The following TNPO3 variants were observed in gnomAD, a reference collection of about 807,000 sequenced individuals.
TNPO3 encodes the protein transportin-3.
A neutral mutation model predicts 122.8 loss-of-function variants in TNPO3; 65 were observed. That is an observed-to-expected ratio of 0.53 (90% CI 0.43 to 0.65). The LOEUF is 0.65. Among genes scored for constraint, TNPO3 ranks in the 30% least tolerant of loss-of-function variants. The pLI is 0.00. For missense variants in TNPO3, 850 were observed against 1,136.7 expected, an observed-to-expected ratio of 0.75 and a Z score of 3.63; for synonymous variants, 372 against 411.2, an observed-to-expected ratio of 0.90 and a Z score of 1.15.
chr7:128,979,208 A>G, intron 15 of TNPO3, 85 bp from the exon 16 acceptor site: 1 of 1,536,736 alleles, frequency 6.5e-7, no homozygotes, highest in Non-Finnish European at 8.8e-7. Flanking sequence ...CACCTCATTT[A>G]GCTTTTAAAT....
At chr7:128,970,018 G>A (rs1038499990) in intron 20 of TNPO3, 130 bp downstream of exon 20, 5 of 941,490 alleles carry the variant, frequency 5.3e-6, no homozygotes, top group Non-Finnish European at 8.2e-6. Flanking sequence ...AATCTAATTT[G>A]GCAATATGCC....
At chr7:128,993,647 T>C (rs565595211) in intron 9 of TNPO3, among the ~76,000 whole-genome samples, 160 bp downstream of exon 9, 2 of 152,354 alleles carry the variant, frequency 1.3e-5, no homozygotes, top group South Asian at 2.1e-4. Flanking sequence ...TAAATAAACA[T>C]AGCTACTATA....
intron 4 of TNPO3, among the ~76,000 whole-genome samples, chr7:129,008,660 A>G (rs921025822): frequency 6.6e-6 from 1 of 152,216 alleles, no homozygotes; most frequent in Non-Finnish European, 1.5e-5. Flanking sequence ...AAGTAGCAAA[A>G]TGAACGGAGT....
chr7:129,050,671 C>T (rs1407070836), intron 1 of TNPO3, among the ~76,000 whole-genome samples: 1 of 152,084 alleles, frequency 6.6e-6, no homozygotes, highest in Admixed American at 6.6e-5. Context: ...TAAATTAAAA[C>T]CTACATACTT....
intron 5 of TNPO3, among the ~76,000 whole-genome samples, chr7:129,003,555 C>T (rs1417951521): frequency 1.3e-5 from 2 of 151,850 alleles, no homozygotes; most frequent in African/African-American, 2.4e-5. Flanking sequence ...ATCCCAGCTA[C>T]TTGGGAGGCT....
intron 1 of TNPO3, among the ~76,000 whole-genome samples, chr7:129,053,662 C>CA (rs569463194): frequency 6.6e-6 from 1 of 150,580 alleles, no homozygotes; most frequent in Non-Finnish European, 1.5e-5. Context: ...GGAAGGGGGC[C>CA]AAAAAAAATA....
chr7:128,980,659 C>T (rs564104066), intron 14 of TNPO3, among the ~76,000 whole-genome samples: 3 of 152,174 alleles, frequency 2.0e-5, no homozygotes, highest in Admixed American at 6.5e-5. Flanking sequence ...CATTGTACTC[C>T]GGCCTGGGCA....
chr7:128,985,212 G>A (rs1256127810), intron 12 of TNPO3, among the ~76,000 whole-genome samples: 1 of 152,180 alleles, frequency 6.6e-6, no homozygotes, highest in Non-Finnish European at 1.5e-5. Flanking sequence ...CCATAGACGA[G>A]TTAGACTTTT....
At chr7:129,053,774 C>T (rs1255568402) in intron 1 of TNPO3, among the ~76,000 whole-genome samples, 3 of 152,156 alleles carry the variant, frequency 2.0e-5, no homozygotes, top group Non-Finnish European at 4.4e-5. Context: ...TTTTAAAGTA[C>T]ATCCTACATT....
intron 1 of TNPO3, among the ~76,000 whole-genome samples, chr7:129,034,429 C>T (rs1350893942): frequency 2.0e-5 from 3 of 151,780 alleles, no homozygotes; most frequent in Non-Finnish European, 4.4e-5. Flanking sequence ...CTGCTTGAGC[C>T]CAGGATGCAG....
At chr7:128,991,222 C>T (rs1800712475) in intron 10 of TNPO3, among the ~76,000 whole-genome samples, 2 of 152,084 alleles carry the variant, frequency 1.3e-5, no homozygotes, top group Admixed American at 6.6e-5. Flanking sequence ...CCTATTCGAC[C>T]TCCTTGAATA....
chr7:129,055,814 T>C (rs1180107917), upstream of TNPO3: 1 of 502,710 alleles, frequency 2.0e-6, no homozygotes, highest in East Asian at 3.4e-5. Context: ...ATGGAGAAAT[T>C]AGGGACAAAA....
At chr7:128,996,765 A>AT (rs1180780682) in intron 8 of TNPO3, among the ~76,000 whole-genome samples, 1 of 151,214 alleles carries the variant, frequency 6.6e-6, no homozygotes, top group Non-Finnish European at 1.5e-5. Context: ...AAAAAAAAAA[A>AT]AAAGAGTACA....
chr7:129,031,221 C>T (rs1244599450), intron 1 of TNPO3, among the ~76,000 whole-genome samples: 2 of 151,874 alleles, frequency 1.3e-5, no homozygotes, highest in Non-Finnish European at 2.9e-5. Context: ...ATTGCTTGAA[C>T]CCGGGAGGCA....
intron 21 of TNPO3, among the ~76,000 whole-genome samples, chr7:128,958,635 G>A (rs6966672): frequency 0.013 from 1,919 of 152,272 alleles, 50 homozygotes; most frequent in African/African-American, 0.044. Context: ...TATCCATTTA[G>A]GTTCCTACAT....
intron 13 of TNPO3, 90 bp downstream of exon 13, chr7:128,984,078 C>A (rs1287127661): frequency 1.2e-5 from 9 of 752,750 alleles, no homozygotes; most frequent in Non-Finnish European, 1.6e-5. Flanking sequence ...TCTAGGTAGA[C>A]AAAAGATCTG....
chr7:128,957,831 C>T (rs1797046209), intron 21 of TNPO3, among the ~76,000 whole-genome samples: 1 of 152,146 alleles, frequency 6.6e-6, no homozygotes, highest in African/African-American at 2.4e-5. Context: ...AAGTCTCCAC[C>T]AGTCATTGAT....
chr7:129,040,998 G>A (rs1033626801), intron 1 of TNPO3, among the ~76,000 whole-genome samples: 2 of 152,150 alleles, frequency 1.3e-5, no homozygotes, highest in East Asian at 3.8e-4. Context: ...AATCACCCGT[G>A]ATGACATTGC....
intron 19 of TNPO3, among the ~76,000 whole-genome samples, chr7:128,971,192 C>T (rs1798456104): frequency 6.6e-6 from 1 of 151,156 alleles, no homozygotes; most frequent in Non-Finnish European, 1.5e-5. Flanking sequence ...GTCACCCAGG[C>T]TGGAGTGCAG....
Sources: gnomAD v4.1 joint callset for allele counts (sites outside exome capture counted in the v4.1 genomes callset) on GRCh38, gnomAD v4.1.1 for gene constraint, MANE v1.5 for transcripts, NCBI Gene and HGNC (gene_info 2026-07-23, HGNC 2026-07-21) for gene names.